TCF20: variants seen among roughly 807,000 people sequenced by gnomAD.
TCF20 encodes SPRE-binding protein.
A neutral mutation model predicts 148.6 loss-of-function variants in TCF20; 3 were observed. That is an observed-to-expected ratio of 0.02 (90% CI 0.01 to 0.05). The LOEUF (loss-of-function observed/expected upper bound fraction) is 0.05, where lower values mean the gene tolerates loss of function less well. Among genes scored for constraint, TCF20 ranks in the 10% least tolerant of loss-of-function variants. TCF20 has a pLI of 1.00. For missense variants in TCF20, 2,350 were observed against 2,429.3 expected (o/e 0.97, Z 0.69); for synonymous variants, 1,049 against 909.5 (o/e 1.15, Z -2.76).
intron 5 of TCF20, among the ~76,000 whole-genome samples, chr22:42,168,235 C>T (rs1047097876): frequency 1.3e-5 from 2 of 152,102 alleles, no homozygotes; most frequent in African/African-American, 2.4e-5. Context: ...AAGAAGAGAC[C>T]TTTGACTGGA....
At chr22:42,190,281 A>G (rs560267818) in intron 2 of TCF20, among the ~76,000 whole-genome samples, 1 of 152,276 alleles carries the variant, frequency 6.6e-6, no homozygotes, top group African/African-American at 2.4e-5. Context: ...CAACAAAGAA[A>G]GGCCCTGTCT....
At chr22:42,164,968 T>A (rs1935693145) in intron 5 of TCF20, among the ~76,000 whole-genome samples, 1 of 152,088 alleles carries the variant, frequency 6.6e-6, no homozygotes, top group Non-Finnish European at 1.5e-5. Context: ...AGGTGAGATG[T>A]CTGGGCTTTG....
At chr22:42,340,082 C>T (rs1254547753) in intron 1 of TCF20, among the ~76,000 whole-genome samples, 2 of 152,194 alleles carry the variant, frequency 1.3e-5, no homozygotes, top group African/African-American at 4.8e-5. Flanking sequence ...CTGGTACAAA[C>T]AAGGTCTGTA....
chr22:42,306,132 C>A lies in TCF20; in HGVS notation c.-37+37347G>T, dbSNP rs1415533441. On this transcript the variant is annotated intron_variant, in intron 1 of 1. Coordinates refer to the TCF20 transcript ENST00000515426. ...GAGTGGCTGCTGCGGCCTCGCCACC[C>A]CCGCCTCAAGCTGAGCGCATGGCTA... Among the ~76,000 whole-genome samples the A allele has an allele frequency of 2.0e-5, 3 of 152,274 alleles. No individual in the cohort carries two copies. The East Asian group carries it at 5.8e-4, about 29-fold the overall frequency.
chr22:42,302,985 A>G (rs1927365248), intron 1 of TCF20, among the ~76,000 whole-genome samples: 1 of 152,096 alleles, frequency 6.6e-6, no homozygotes. Flanking sequence ...GCTGGAGTGC[A>G]GTGGCACAAT....
Position 42,215,109 on chromosome 22 carries a change from GC to G in TCF20, c.196del (p.Ala66ArgfsTer34), listed in dbSNP as rs1569154915. 6.2e-7 allele frequency: 1 copy of G among 1,614,122 alleles called. No individual in the cohort carries two copies. Among genetic ancestry groups the G allele is most frequent in the Non-Finnish European group, 8.5e-7 (1 of 1,180,018 alleles). On this transcript the variant is annotated frameshift_variant, in exon 2 of 6. Coordinates refer to ENST00000677622, the MANE Select transcript of TCF20 (RefSeq NM_001378418.1). LOFTEE classifies it high-confidence loss of function. ...AGAGGTCTCGCTAGCCATCGCTGCC[GC>G]AGCAGCTGCTGCTCCTCGTCGTCCA... ...GGGRRGAAAA[A>X]AAMASETSGH... is the part of the protein sequence containing the mutation.
chr22:42,211,461 C>T lies in TCF20; in HGVS notation c.3845G>A (p.Gly1282Asp), dbSNP rs377230109. 2.0e-5 allele frequency: 33 copies of T among 1,614,006 alleles called. No individual in the cohort carries two copies. Among genetic ancestry groups the T allele is most frequent in the Non-Finnish European group, 2.5e-5 (29 of 1,180,048 alleles). ...DVKNSSTEDK[G>D]RLLHSSKEGA... The stretch of plus-strand genomic sequence containing the variant: ...TTCTTTTGATGAGTGAAGGAGGCGA[C>T]CTTTATCTTCAGTGCTACTGTTCTT... The change falls in exon 2 of 6, where the codon GGT (glycine) becomes GAT (aspartate). Residue 1282 changes from glycine (G) to aspartate (D), a missense_variant. Gly to Asp is a moderately conservative substitution (Grantham distance 94). This residue lies in a region of TCF20 where 1,641 missense variants were observed against 1,662.6 expected (regional missense o/e 0.99). Transcript: ENST00000677622.
At chr22:42,187,336 T>G (rs1236363229) in intron 2 of TCF20, among the ~76,000 whole-genome samples, 2 of 152,212 alleles carry the variant, frequency 1.3e-5, no homozygotes, top group Non-Finnish European at 2.9e-5. Flanking sequence ...AATAAAATTA[T>G]ATATTTAGAT....
chr22:42,256,476 T>G lies in TCF20; in HGVS notation c.-37+13863A>C, dbSNP rs370762646. 3.9e-5 allele frequency among the ~76,000 whole-genome samples: 6 copies of G among 152,176 alleles called. No individual in the cohort carries two copies. The South Asian group carries it at 1.0e-3, about 26-fold the overall frequency. ...TGCGCTAGCCAATGTAGCAAAGTTTTTTTTTTTTTTTTAAAGAGACATTTA... is the reference window on the plus strand; with the variant it reads ...TGCGCTAGCCAATGTAGCAAAGTTTGTTTTTTTTTTTTAAAGAGACATTTA... On this transcript the variant is annotated intron_variant, in intron 1 of 5. Transcript: ENST00000677622.
chr22:42,199,675 G>C (rs1252690341), intron 2 of TCF20, among the ~76,000 whole-genome samples: 1 of 115,052 alleles, frequency 8.7e-6, no homozygotes, highest in Non-Finnish European at 1.6e-5. Flanking sequence ...TTCGAGACCA[G>C]ACTGGCTAAC....
chr22:42,247,312 C>A (rs1402020734), intron 1 of TCF20, among the ~76,000 whole-genome samples: 1 of 150,672 alleles, frequency 6.6e-6, no homozygotes, highest in Non-Finnish European at 1.5e-5. Flanking sequence ...TGGTGGCAGG[C>A]GCCTGTAATC....
intron 2 of TCF20, among the ~76,000 whole-genome samples, chr22:42,207,472 G>GT (rs1401490218): frequency 1.3e-5 from 2 of 152,008 alleles, no homozygotes; most frequent in African/African-American, 4.8e-5. Flanking sequence ...GGCCCATACT[G>GT]TAACAGAGAG....
chr22:42,306,281 T>A (rs1357479165), intron 1 of TCF20, among the ~76,000 whole-genome samples: 3 of 152,228 alleles, frequency 2.0e-5, no homozygotes, highest in African/African-American at 7.2e-5. Flanking sequence ...CACCTGCAAT[T>A]CTCCTTCCAA....
intron 1 of TCF20, among the ~76,000 whole-genome samples, chr22:42,320,625 C>T (rs1006858929): frequency 2.6e-5 from 4 of 152,192 alleles, no homozygotes; most frequent in African/African-American, 4.8e-5. Flanking sequence ...GCTGTATCTC[C>T]GGGCTGTGTA....
intron 1 of TCF20, among the ~76,000 whole-genome samples, chr22:42,242,219 AAAAAAAAAC>A (rs928385989): frequency 2.9e-5 from 4 of 138,416 alleles, no homozygotes; most frequent in African/African-American, 1.2e-4. Flanking sequence ...AAAAAAAAAA[AAAAAAAAAC>A]AGAAAAGAAA....
At chr22:42,176,381 G>A (rs553589969) in intron 3 of TCF20, among the ~76,000 whole-genome samples, 69 of 152,194 alleles carry the variant, frequency 4.5e-4, no homozygotes, top group South Asian at 8.3e-4. Context: ...GGAAGGAAGG[G>A]GGGGGCAGGA....
chr22:42,272,175 G>A (rs1021017518), upstream of TCF20, among the ~76,000 whole-genome samples: 26 of 152,348 alleles, frequency 1.7e-4, no homozygotes, highest in Middle Eastern at 3.4e-3. Context: ...ACGGGGCCCT[G>A]CCCTCTGATT....
chr22:42,213,049 G>A lies in TCF20; in HGVS notation c.2257C>T (p.Leu753=), dbSNP rs766328854. The part of the protein sequence containing the change: ...KGRNEKFPSL[L]QEVLQGYHHH... ...TGGTAACCCTGAAGCACTTCCTGCA[G>A]GAGGCTTGGGAATTTTTCATTTCTA... is the stretch of plus-strand genomic sequence containing the variant. Residue 753 remains leucine, a synonymous_variant, in exon 2 of 6, where the codon CTG becomes TTG. Coordinates refer to ENST00000677622, the MANE Select transcript of TCF20 (RefSeq NM_001378418.1). The A allele has an allele frequency of 4.3e-6, 7 of 1,613,980 alleles. No homozygotes were observed. Among genetic ancestry groups the A allele is most frequent in the Non-Finnish European group, 5.9e-6 (7 of 1,180,008 alleles).
chr22:42,340,737 C>T (rs1046716352), intron 1 of TCF20, among the ~76,000 whole-genome samples: 3 of 152,144 alleles, frequency 2.0e-5, no homozygotes, highest in African/African-American at 2.4e-5. Flanking sequence ...GTCATCAGGA[C>T]GCACAGCAAG....
Sources: allele counts gnomAD v4.1 joint callset (sites outside exome capture counted in the v4.1 genomes callset), GRCh38; gene constraint gnomAD v4.1.1; regional missense constraint gnomAD v4.1.1; transcripts MANE v1.5; gene names NCBI Gene and HGNC (gene_info 2026-07-23, HGNC 2026-07-21).